Variants in NSRP1 observed in about 807,000 individuals in gnomAD.
NSRP1 encodes the protein nuclear speckle splicing regulatory protein 1.
In NSRP1, 24 loss-of-function variants were observed where a neutral mutation model predicts 54.7. The ratio of observed to expected loss-of-function variants is 0.44; its 90% CI spans 0.32 to 0.62. The LOEUF is 0.62. NSRP1 is among the 20% of genes least tolerant of loss of function. The pLI, the probability that NSRP1 is intolerant of heterozygous loss-of-function variation, is 0.06. For missense variants in NSRP1, 596 were observed against 651.2 expected (o/e 0.92, Z 0.92); for synonymous variants, 210 against 213.8 (o/e 0.98, Z 0.15).
At chr17:30,135,973 T>G (rs939924207) in intron 2 of NSRP1, among the ~76,000 whole-genome samples, 10 of 151,768 alleles carry the variant, frequency 6.6e-5, no homozygotes, top group African/African-American at 2.4e-4. Context: ...AGCACTTTGG[T>G]AGGCCAAGGC....
Position 30,127,662 on chromosome 17 carries a change from C to T in NSRP1, c.114+9489C>T, listed in dbSNP as rs573891095. 2.6e-5 allele frequency among the ~76,000 whole-genome samples: 4 copies of T among 152,254 alleles called. No individual in the cohort carries two copies. The South Asian group carries it at 6.2e-4, about 24-fold the overall frequency. On this transcript the variant is annotated intron_variant, in intron 2 of 6. Coordinates refer to ENST00000247026, the MANE Select transcript of NSRP1 (RefSeq NM_032141.4). The stretch of plus-strand genomic sequence containing the variant: ...CTCCTGGCCTCTAGTGATCCTTGTG[C>T]CTCAGCCTCCCAAAGTGTCGGGATT...
chr17:30,173,881 A>G (rs1308816905), intron 3 of NSRP1, among the ~76,000 whole-genome samples: 1 of 152,258 alleles, frequency 6.6e-6, no homozygotes, highest in Non-Finnish European at 1.5e-5. Context: ...GCACAGAAGG[A>G]TATATTTAGT....
chr17:30,142,652 CAGTGCATAACACAGA>C (rs2071816910), intron 2 of NSRP1, among the ~76,000 whole-genome samples: 1 of 152,118 alleles, frequency 6.6e-6, no homozygotes, highest in African/African-American at 2.4e-5. Flanking sequence ...GTGTTTAGTC[CAGTGCATAACACAGA>C]AGTGCAATAA....
At chr17:30,150,051 AATAAT>A (rs1468213741) in intron 2 of NSRP1, 1 of 152,172 alleles carries the variant, frequency 6.6e-6, no homozygotes, top group Non-Finnish European at 1.5e-5. Context: ...AAATAAATGG[AATAAT>A]ATAATGTAAT....
intron 2 of NSRP1, among the ~76,000 whole-genome samples, chr17:30,158,400 C>T (rs185481461): frequency 6.8e-6 from 1 of 147,396 alleles, no homozygotes; most frequent in Admixed American, 6.9e-5. Flanking sequence ...TAAACGTTTT[C>T]TCTCATTCAT....
chr17:30,171,960 A>T (rs1567804301), intron 2 of NSRP1, among the ~76,000 whole-genome samples: 29 of 135,402 alleles, frequency 2.1e-4, no homozygotes, highest in African/African-American at 6.4e-4. Context: ...ACACACACAC[A>T]CACACACACA....
At chr17:30,122,385 ATTTTTTTTTTTTTTTTTTTTTTT>A (rs56295513) in intron 2 of NSRP1, 1 of 16,424 alleles carries the variant, frequency 6.1e-5, no homozygotes, top group Non-Finnish European at 1.1e-4. Context: ...ATATATATAT[ATTTTTTTTTTTTTTTTTTTTTTT>A]TTTTTTTTTT....
rs10608409 is a variant in NSRP1 at position 30,140,520 on chromosome 17, C to CTT, written c.114+22372_114+22373dup. 3.6e-4 allele frequency among the ~76,000 whole-genome samples: 18 copies of CTT among 50,316 alleles called. 2 individuals carry two copies. Among genetic ancestry groups the CTT allele is most frequent in the African/African-American group, 8.6e-4 (11 of 12,790 alleles). The allele number at this position is 50,316 out of a possible 152,430, so 33.0% of individuals were successfully genotyped here. On this transcript the variant is annotated intron_variant, in intron 2 of 6. Transcript: ENST00000247026. ...ATTTTTTTTAATTGTTCAGATTTTACTTTTTTTTTTTTTTTTTTTTTTTTT... is the reference window on the plus strand; with the variant it reads ...ATTTTTTTTAATTGTTCAGATTTTACTTTTTTTTTTTTTTTTTTTTTTTTTTT...
At chr17:30,121,939 T>C (rs2071601453) in intron 2 of NSRP1, among the ~76,000 whole-genome samples, 1 of 152,098 alleles carries the variant, frequency 6.6e-6, no homozygotes, top group Admixed American at 6.6e-5. Context: ...AGAAAGAAAC[T>C]GTGTACCCAT....
intron 2 of NSRP1, among the ~76,000 whole-genome samples, chr17:30,129,312 A>G (rs1025429867): frequency 1.3e-5 from 2 of 152,106 alleles, no homozygotes; most frequent in Non-Finnish European, 2.9e-5. Context: ...TAAGTAAAAA[A>G]TAATAAATGA....
chr17:30,185,641 T>C lies in NSRP1; in HGVS notation c.1644T>C (p.Asn548=), dbSNP rs139217221. The C allele has an allele frequency of 7.5e-6, 12 of 1,607,104 alleles. No homozygotes were observed. In the African/African-American group the frequency reaches 1.6e-4, roughly 22 times the overall value. ...RYLARQMARV[N]AKTYIEKEDD The stretch of plus-strand genomic sequence containing the variant: ...TGGCCAGGCAGATGGCGCGGGTTAA[T>C]GCAAAGACCTATATTGAGAAAGAAG... Residue 548 remains asparagine (N), a synonymous_variant, in exon 7 of 7, where the codon AAT becomes AAC. Transcript: ENST00000247026.
chr17:30,157,283 G>A (rs1327726258), intron 2 of NSRP1, among the ~76,000 whole-genome samples: 1 of 152,082 alleles, frequency 6.6e-6, no homozygotes, highest in Non-Finnish European at 1.5e-5. Context: ...CTACTCATAT[G>A]TATTTTGAGA....
chr17:30,140,330 T>C (rs1462411739), intron 2 of NSRP1, among the ~76,000 whole-genome samples: 1 of 152,124 alleles, frequency 6.6e-6, no homozygotes, highest in Non-Finnish European at 1.5e-5. Flanking sequence ...TATTGACAGC[T>C]AAACCCATGC....
chr17:30,132,496 G>A (rs1260804044), intron 2 of NSRP1, among the ~76,000 whole-genome samples: 1 of 152,022 alleles, frequency 6.6e-6, no homozygotes, highest in African/African-American at 2.4e-5. Flanking sequence ...GGAGGTTGCA[G>A]TGAGCCAAGA....
intron 3 of NSRP1, among the ~76,000 whole-genome samples, chr17:30,172,876 G>A (rs1396842473): frequency 1.3e-5 from 2 of 151,676 alleles, no homozygotes; most frequent in East Asian, 3.9e-4. Flanking sequence ...AACCAAAATG[G>A]TTTCACAAAC....
intron 2 of NSRP1, among the ~76,000 whole-genome samples, chr17:30,132,436 C>T: frequency 6.6e-6 from 1 of 151,996 alleles, no homozygotes; most frequent in East Asian, 1.9e-4. Context: ...CGCCTGTAAT[C>T]CCAGCTACTC....
intron 2 of NSRP1, among the ~76,000 whole-genome samples, chr17:30,169,829 G>A (rs577845816): frequency 6.7e-6 from 1 of 150,262 alleles, no homozygotes; most frequent in Non-Finnish European, 1.5e-5. Flanking sequence ...GAACTATTTT[G>A]TTCTGGTTAT....
intron 2 of NSRP1, among the ~76,000 whole-genome samples, chr17:30,159,107 T>C (rs1220882096): frequency 6.6e-6 from 1 of 152,224 alleles, no homozygotes; most frequent in Admixed American, 6.5e-5. Context: ...GGGATGTCTT[T>C]CCATTTTTTT....
At chr17:30,134,781 A>T (rs2071733757) in intron 2 of NSRP1, among the ~76,000 whole-genome samples, 1 of 152,224 alleles carries the variant, frequency 6.6e-6, no homozygotes, top group African/African-American at 2.4e-5. Context: ...TTTCAGAAAC[A>T]ATAGAAAAAG....
Sources: gnomAD v4.1 joint callset for allele counts (sites outside exome capture counted in the v4.1 genomes callset) on GRCh38, gnomAD v4.1.1 for gene constraint, MANE v1.5 for transcripts, NCBI Gene and HGNC (gene_info 2026-07-23, HGNC 2026-07-21) for gene names.